DAB1: variants seen among roughly 807,000 people sequenced by gnomAD.
The protein encoded by DAB1 is DAB adaptor protein 1, also known as disabled homolog 1.
A neutral mutation model predicts 64.6 loss-of-function variants in DAB1; 15 were observed. The observed-to-expected ratio is 0.23, with a 90% CI of 0.16 to 0.36. The LOEUF is 0.36. Ranked by LOEUF, DAB1 falls within the 10% of genes least tolerant of loss-of-function variation. The pLI is 1.00. For synonymous variants in DAB1, 235 were observed against 251.9 expected, an observed-to-expected ratio of 0.93 and a Z score of 0.64; for missense variants, 596 against 706.7, an observed-to-expected ratio of 0.84 and a Z score of 1.78.
chr1:57,899,480 G>A (rs1213072929), intron 5 of DAB1, among the ~76,000 whole-genome samples: 1 of 152,010 alleles, frequency 6.6e-6, no homozygotes, highest in Non-Finnish European at 1.5e-5. Flanking sequence ...AAATAATTAG[G>A]GCACACAGAA....
At chr1:57,161,411 C>T (rs1569666001) in intron 2 of DAB1, among the ~76,000 whole-genome samples, 2 of 152,270 alleles carry the variant, frequency 1.3e-5, no homozygotes, top group Admixed American at 6.5e-5. Flanking sequence ...AGCTGGGCTG[C>T]ACCTGTAAGA....
intron 3 of DAB1, among the ~76,000 whole-genome samples, chr1:58,479,416 C>A (rs546948514): frequency 1.3e-5 from 2 of 152,230 alleles, no homozygotes; most frequent in South Asian, 2.1e-4. Flanking sequence ...ACATAAACAG[C>A]CTCTGAACTT....
chr1:57,058,858 G>C (rs552662633), intron 9 of DAB1, among the ~76,000 whole-genome samples: 1 of 152,366 alleles, frequency 6.6e-6, no homozygotes, highest in African/African-American at 2.4e-5. Flanking sequence ...ACTATGCTAG[G>C]TGCTGAAATT....
At chr1:57,262,975 G>T (rs545358876) in intron 2 of DAB1, among the ~76,000 whole-genome samples, 1 of 152,236 alleles carries the variant, frequency 6.6e-6, no homozygotes, top group East Asian at 1.9e-4. Context: ...AGGGTGTGGT[G>T]GTATAAGGGG....
chr1:57,182,165 G>A (rs866340576), intron 2 of DAB1, among the ~76,000 whole-genome samples: 16 of 152,200 alleles, frequency 1.1e-4, no homozygotes, highest in Middle Eastern at 3.2e-3. Context: ...GATTACAGGT[G>A]TGAGCCACCG....
At chr1:57,713,448 G>A (rs1647049462) in intron 6 of DAB1, among the ~76,000 whole-genome samples, 2 of 152,182 alleles carry the variant, frequency 1.3e-5, no homozygotes, top group Admixed American at 6.5e-5. Flanking sequence ...GTGCAGCTTG[G>A]TTGTACCAAA....
chr1:58,012,309 A>C (rs1278208279), intron 5 of DAB1, among the ~76,000 whole-genome samples: 1 of 152,130 alleles, frequency 6.6e-6, no homozygotes, highest in Non-Finnish European at 1.5e-5. Flanking sequence ...ACATAATCTT[A>C]AGTGAGTCAG....
At chr1:57,918,592 G>A (rs1243358248) in intron 5 of DAB1, among the ~76,000 whole-genome samples, 83 of 152,154 alleles carry the variant, frequency 5.5e-4, no homozygotes, top group African/African-American at 1.9e-3. Flanking sequence ...TGGGAGGCCG[G>A]GGCGGGCAGA....
At chr1:57,739,074 A>T (rs1479994776) in intron 6 of DAB1, among the ~76,000 whole-genome samples, 2 of 152,176 alleles carry the variant, frequency 1.3e-5, no homozygotes, top group East Asian at 3.9e-4. Context: ...CTGTCAGCTA[A>T]TACATATTTG....
intron 6 of DAB1, among the ~76,000 whole-genome samples, chr1:57,763,303 G>A (rs891905843): frequency 6.6e-6 from 1 of 152,098 alleles, no homozygotes; most frequent in African/African-American, 2.4e-5. Context: ...TACATAGCCA[G>A]TAAGTTTGCA....
At chr1:58,149,058 T>C (rs1315009054) in intron 5 of DAB1, among the ~76,000 whole-genome samples, 1 of 152,232 alleles carries the variant, frequency 6.6e-6, no homozygotes, top group Non-Finnish European at 1.5e-5. Context: ...TCTCCCCTGG[T>C]CACCCTACAA....
intron 6 of DAB1, among the ~76,000 whole-genome samples, chr1:57,797,640 T>C (rs1157865353): frequency 3.3e-5 from 5 of 152,258 alleles, no homozygotes; most frequent in Non-Finnish European, 5.9e-5. Flanking sequence ...ATAGTAATCA[T>C]TCCTTACACG....
chr1:57,735,691 A>G (rs144618113), intron 6 of DAB1, among the ~76,000 whole-genome samples: 7 of 144,770 alleles, frequency 4.8e-5, no homozygotes, highest in African/African-American at 1.8e-4. Flanking sequence ...TTCCTGGTAT[A>G]GTTGAAAAAA....
At chr1:57,364,830 A>C (rs1474952828) in intron 1 of DAB1, among the ~76,000 whole-genome samples, 1 of 149,932 alleles carries the variant, frequency 6.7e-6, no homozygotes, top group Non-Finnish European at 1.5e-5. Flanking sequence ...AAGAAATAAT[A>C]AATTGTTTAG....
At chr1:57,224,520 T>C (rs372975628) in intron 2 of DAB1, among the ~76,000 whole-genome samples, 1 of 152,196 alleles carries the variant, frequency 6.6e-6, no homozygotes, top group African/African-American at 2.4e-5. Context: ...GTCTGTTCTT[T>C]CCCATGCCCC....
chr1:58,210,683 G>T (rs1486915259), intron 4 of DAB1, among the ~76,000 whole-genome samples: 1 of 152,152 alleles, frequency 6.6e-6, no homozygotes, highest in South Asian at 2.1e-4. Context: ...TTCCATAATT[G>T]CTTTTTTTCC....
chr1:58,499,289 G>T (rs1022918558), intron 3 of DAB1, among the ~76,000 whole-genome samples: 1 of 132,082 alleles, frequency 7.6e-6, no homozygotes, highest in African/African-American at 2.9e-5. Flanking sequence ...GCCAGCCAGG[G>T]CAACACAGCA....
intron 1 of DAB1, among the ~76,000 whole-genome samples, chr1:57,405,747 T>C (rs1269921220): frequency 6.6e-6 from 1 of 152,202 alleles, no homozygotes; most frequent in East Asian, 1.9e-4. Context: ...GCATCTGAGC[T>C]TGTAGTTCTT....
chr1:57,546,977 A>T (rs942063869), intron 7 of DAB1, among the ~76,000 whole-genome samples: 4 of 152,148 alleles, frequency 2.6e-5, no homozygotes, highest in Non-Finnish European at 5.9e-5. Context: ...TTTCTATTTA[A>T]AGCATATTAA....
Sources: allele counts gnomAD v4.1 joint callset (sites outside exome capture counted in the v4.1 genomes callset), GRCh38; gene constraint gnomAD v4.1.1; transcripts MANE v1.5; gene names NCBI Gene and HGNC (gene_info 2026-07-23, HGNC 2026-07-21).